The following ERCC6L2 variants were observed in gnomAD, a reference collection of about 807,000 sequenced individuals.
ERCC6L2 encodes DNA excision repair protein ERCC-6-like 2.
A neutral mutation model predicts 132.0 loss-of-function variants in ERCC6L2; 77 were observed. That is an observed-to-expected ratio of 0.58 (90% CI 0.49 to 0.71). The LOEUF (loss-of-function observed/expected upper bound fraction) is 0.71, where lower values mean the gene tolerates loss of function less well. Ranked by LOEUF, ERCC6L2 falls within the 30% of genes least tolerant of loss-of-function variation. The pLI is 0.00. For missense variants in ERCC6L2, 1,542 were observed against 1,837.6 expected (o/e 0.84, Z 2.94); for synonymous variants, 583 against 632.4 (o/e 0.92, Z 1.17).
At chr9:95,936,783 C>T (rs1178269481) in intron 11 of ERCC6L2, among the ~76,000 whole-genome samples, 1 of 152,144 alleles carries the variant, frequency 6.6e-6, no homozygotes, top group East Asian at 1.9e-4. Flanking sequence ...CCTCTCTCCC[C>T]TTTCTCCCTG....
Position 95,971,930 on chromosome 9 carries a change from T to C in ERCC6L2, c.2182-3T>C. ...GATGTTTTTGTCATTGTTTCTCCTA[T>C]AGCCTAGACAGCCTGACTGTCAGGA... On this transcript the variant is annotated splice_polypyrimidine_tract_variant and splice_region_variant and intron_variant, in intron 15 of 18. Coordinates refer to ENST00000653738, the MANE Select transcript of ERCC6L2 (RefSeq NM_020207.7). 1 of 1,278,032 alleles carries C rather than the reference T, an allele frequency of 7.8e-7. No individual in the cohort carries two copies. The highest frequency in any genetic ancestry group is 1.0e-6 in the Non-Finnish European group (1 of 975,342). The allele number at this position is 1,278,032 out of a possible 1,614,324, so 79.2% of individuals were successfully genotyped here.
At chr9:95,948,058 C>A (rs918420860) in intron 12 of ERCC6L2, among the ~76,000 whole-genome samples, 1 of 152,160 alleles carries the variant, frequency 6.6e-6, no homozygotes, top group Non-Finnish European at 1.5e-5. Flanking sequence ...ATTTAAGAAA[C>A]ACATTTTGTA....
intron 6 of ERCC6L2, 101 bp from the exon 7 acceptor site, chr9:95,921,074 C>A (rs1564225584): frequency 8.5e-7 from 1 of 1,174,644 alleles, no homozygotes; most frequent in Non-Finnish European, 1.2e-6. Context: ...TGCGCCCGGC[C>A]AGTTTTCACT....
At chr9:95,975,471 CTTTT>C (rs572855007) in intron 16 of ERCC6L2, among the ~76,000 whole-genome samples, 2 of 111,274 alleles carry the variant, frequency 1.8e-5, no homozygotes, top group Non-Finnish European at 1.9e-5. Context: ...ATTATATGTT[CTTTT>C]TTTTTTTTTT....
At position 96,003,284 on chromosome 9, in the gene ERCC6L2, G is replaced by A. The variant is rs1833751772; in HGVS notation, c.3493-1236G>A. On this transcript the variant is annotated intron_variant, in intron 17 of 18. Transcript: ENST00000653738. ...AATCAAAAGCATTCTCTGGCTTATG[G>A]CAGTCTTCCTATGGTATGTTTTTTA... 3.3e-5 allele frequency among the ~76,000 whole-genome samples: 5 copies of A among 152,156 alleles called. No individual in the cohort carries two copies. The South Asian group carries it at 1.0e-3, about 32-fold the overall frequency.
intron 19 of ERCC6L2, among the ~76,000 whole-genome samples, chr9:96,038,459 A>G (rs1588071503): frequency 1.3e-5 from 2 of 152,178 alleles, no homozygotes; most frequent in South Asian, 4.1e-4. Context: ...AGGCTTTTGG[A>G]ACAGCAGTAG....
At chr9:95,988,443 A>C (rs1414459045) in intron 17 of ERCC6L2, among the ~76,000 whole-genome samples, 3 of 152,204 alleles carry the variant, frequency 2.0e-5, no homozygotes, top group African/African-American at 7.2e-5. Flanking sequence ...ATTTCAGTTA[A>C]TCTATAAACA....
intron 11 of ERCC6L2, among the ~76,000 whole-genome samples, chr9:95,940,687 C>T (rs1384673327): frequency 6.6e-6 from 1 of 150,476 alleles, no homozygotes; most frequent in African/African-American, 2.5e-5. Flanking sequence ...ATGATTTGGT[C>T]TATCTTGGTG....
intron 17 of ERCC6L2, among the ~76,000 whole-genome samples, chr9:95,980,468 A>G (rs530354511): frequency 6.6e-6 from 1 of 152,322 alleles, no homozygotes; most frequent in South Asian, 2.1e-4. Context: ...GTCTGCAGAA[A>G]CACTCATTTC....
intron 13 of ERCC6L2, 147 bp from the exon 14 acceptor site, chr9:95,966,415 C>A: frequency 2.0e-6 from 1 of 512,366 alleles, no homozygotes; most frequent in Non-Finnish European, 3.1e-6. Flanking sequence ...ATGGCAACAT[C>A]TGCCAGGGAA....
At chr9:95,941,401 AAC>A in intron 11 of ERCC6L2, 51 bp from the exon 12 acceptor site, 3 of 1,324,642 alleles carry the variant, frequency 2.3e-6, no homozygotes, top group Non-Finnish European at 1.1e-6. Flanking sequence ...GTTATAGCAC[AAC>A]AGTTAGTTTT....
intron 17 of ERCC6L2, among the ~76,000 whole-genome samples, chr9:95,986,876 A>C (rs1413320362): frequency 2.6e-5 from 4 of 152,196 alleles, no homozygotes; most frequent in Non-Finnish European, 5.9e-5. Flanking sequence ...GGTAATTTAT[A>C]AAGAAAAAGG....
At chr9:95,986,775 G>A (rs1368112477) in intron 17 of ERCC6L2, among the ~76,000 whole-genome samples, 1 of 152,056 alleles carries the variant, frequency 6.6e-6, no homozygotes, top group African/African-American at 2.4e-5. Flanking sequence ...GGGATTACAG[G>A]CACAAGCCAC....
At chr9:95,970,763 T>A (rs1480941966) in intron 15 of ERCC6L2, 107 bp downstream of exon 15, 23 of 654,574 alleles carry the variant, frequency 3.5e-5, no homozygotes, top group Admixed American at 8.8e-5. Flanking sequence ...AAAAAAAAAA[T>A]TAAGAGTCAA....
intron 6 of ERCC6L2, 109 bp downstream of exon 6, chr9:95,916,543 T>C (rs1829600901): frequency 3.4e-6 from 3 of 883,828 alleles, no homozygotes; most frequent in East Asian, 6.0e-5. Context: ...TTTTTGCCTT[T>C]TATTCTGTAT....
In ERCC6L2 at chr9:95,875,705, T is replaced by C. The variant is rs556090880; in HGVS notation, c.-334T>C. The C allele has an allele frequency of 1.3e-4, 53 of 400,586 alleles. 1 individual carries two copies. Among genetic ancestry groups the C allele is most frequent in the South Asian group, 8.0e-4 (18 of 22,550 alleles). The allele number at this position is 400,586 out of a possible 1,614,324, so 24.8% of individuals were successfully genotyped here. On this transcript the variant is annotated 5_prime_UTR_variant, in exon 1 of 19. Transcript: ENST00000653738. The stretch of plus-strand genomic sequence containing the variant: ...AGACGGAAGTCAGAGCCTAGGAAGA[T>C]TTGGGGGTCGCCTTGCCGGCCTCCT...
At chr9:95,997,464 C>G (rs1237455317) in intron 17 of ERCC6L2, among the ~76,000 whole-genome samples, 2 of 152,236 alleles carry the variant, frequency 1.3e-5, no homozygotes, top group African/African-American at 2.4e-5. Flanking sequence ...TTAAGATGGA[C>G]TCTATCCTAG....
intron 17 of ERCC6L2, among the ~76,000 whole-genome samples, chr9:95,982,754 A>C (rs1832942827): frequency 6.6e-6 from 1 of 152,168 alleles, no homozygotes; most frequent in Non-Finnish European, 1.5e-5. Context: ...TGACACGAAA[A>C]AGGTTTTTGT....
rs1306065116 is a variant in ERCC6L2 at position 95,970,750 on chromosome 9, G to A, written c.2181+94G>A. 5 of 843,418 alleles carry A rather than the reference G, an allele frequency of 5.9e-6. No individual in the cohort carries two copies. In the East Asian group the frequency reaches 2.6e-4, roughly 45 times the overall value. 52.2% of individuals were successfully genotyped at this position (843,418 alleles called of 1,614,324 possible). A position where few individuals can be genotyped will look rare whatever the true frequency, so the allele number is the denominator to read the frequency against. On this transcript the variant is annotated intron_variant, in intron 15 of 18. Transcript: ENST00000653738. Reference sequence around the variant, plus strand: ...TCCTTTTTCCTTAATTTTATAACCTGTAAAAAAAAAAATTAAGAGTCAAGG... The same window carrying A: ...TCCTTTTTCCTTAATTTTATAACCTATAAAAAAAAAAATTAAGAGTCAAGG...
Sources: gnomAD v4.1 joint callset for allele counts (sites outside exome capture counted in the v4.1 genomes callset) on GRCh38, gnomAD v4.1.1 for gene constraint, MANE v1.5 for transcripts, NCBI Gene and HGNC (gene_info 2026-07-23, HGNC 2026-07-21) for gene names.